CATSPERB: variants seen among roughly 807,000 people sequenced by gnomAD.
CATSPERB encodes the protein cation channel sperm-associated auxiliary subunit beta.
A neutral mutation model predicts 128.3 loss-of-function variants in CATSPERB; 93 were observed. The ratio of observed to expected loss-of-function variants is 0.72; its 90% CI spans 0.61 to 0.86. CATSPERB has a LOEUF of 0.86. Among genes scored for constraint, CATSPERB ranks in the 40% least tolerant of loss-of-function variants. The pLI is 0.00. For missense variants in CATSPERB, 1,153 were observed against 1,329.5 expected (o/e 0.87, Z 2.06); for synonymous variants, 381 against 448.8 (o/e 0.85, Z 1.91).
At chr14:91,585,459 T>C (rs1295574555) in intron 26 of CATSPERB, among the ~76,000 whole-genome samples, 3 of 152,234 alleles carry the variant, frequency 2.0e-5, no homozygotes, top group African/African-American at 7.2e-5. Flanking sequence ...ACTGATTTTT[T>C]TCCTGTTCCA....
chr14:91,638,769 A>G (rs1032088786), intron 16 of CATSPERB, among the ~76,000 whole-genome samples: 4 of 152,134 alleles, frequency 2.6e-5, no homozygotes, highest in Non-Finnish European at 4.4e-5. Context: ...TAGAGAATCA[A>G]TCCTACCTTG....
chr14:91,666,333 C>T (rs1239534790), intron 14 of CATSPERB, among the ~76,000 whole-genome samples: 2 of 152,148 alleles, frequency 1.3e-5, no homozygotes, highest in African/African-American at 2.4e-5. Context: ...CTGGATAGAG[C>T]GAGATAGCCA....
At chr14:91,709,009 GT>G (rs1895785688) in intron 5 of CATSPERB, 1 of 152,330 alleles carries the variant, frequency 6.6e-6, no homozygotes, top group African/African-American at 2.4e-5. Context: ...TGAAACGGGG[GT>G]TCACTCATGA....
intron 22 of CATSPERB, chr14:91,605,298 A>G: frequency 4.4e-6 from 4 of 905,224 alleles, no homozygotes; most frequent in South Asian, 1.4e-5. Context: ...AGGCTTTGTG[A>G]ACAAGCTGGA....
rs747442129 is a variant in CATSPERB at position 91,621,626 on chromosome 14, C to T, written c.2242G>A (p.Val748Ile). ...LGNSYVLKAK[V>I]IRNAKGFRML... Reference sequence around the variant, plus strand: ...AACTTACCTTTTGCATTCCGTATGACCTTAGCTTTTAAAACATAAGAGTTT... The same window carrying T: ...AACTTACCTTTTGCATTCCGTATGATCTTAGCTTTTAAAACATAAGAGTTT... Residue 748 changes from valine (V) to isoleucine (I), a missense_variant, in exon 19 of 27, where the codon GTC becomes ATC. By Grantham distance (29) the Val-to-Ile change is conservative. Coordinates refer to ENST00000256343, the MANE Select transcript of CATSPERB (RefSeq NM_024764.4). 5.0e-5 allele frequency: 80 copies of T among 1,603,292 alleles called. No individual in the cohort carries two copies. Among genetic ancestry groups the T allele is most frequent in the Non-Finnish European group, 6.2e-5 (73 of 1,173,980 alleles).
At chr14:91,591,261 G>T (rs1244470024) in intron 23 of CATSPERB, among the ~76,000 whole-genome samples, 1 of 151,682 alleles carries the variant, frequency 6.6e-6, no homozygotes, top group African/African-American at 2.4e-5. Context: ...CACCATATTG[G>T]TCAGACTGGT....
At chr14:91,617,261 C>A (rs1009052215) in intron 20 of CATSPERB, among the ~76,000 whole-genome samples, 1 of 152,094 alleles carries the variant, frequency 6.6e-6, no homozygotes, top group African/African-American at 2.4e-5. Context: ...GTGTTTTGGT[C>A]TGCAAAAGGG....
intron 22 of CATSPERB, among the ~76,000 whole-genome samples, chr14:91,599,100 C>A (rs1187380794): frequency 1.3e-5 from 2 of 152,058 alleles, no homozygotes; most frequent in Non-Finnish European, 2.9e-5. Flanking sequence ...TGCTCTCAGA[C>A]CTCAGCAAAT....
chr14:91,664,795 C>T (rs149403821), intron 14 of CATSPERB, among the ~76,000 whole-genome samples: 2 of 152,106 alleles, frequency 1.3e-5, no homozygotes, highest in Admixed American at 1.3e-4. Flanking sequence ...TTCAACTGTT[C>T]GTTCTGTTTC....
intron 16 of CATSPERB, among the ~76,000 whole-genome samples, chr14:91,638,165 C>T (rs1253565574): frequency 6.6e-6 from 1 of 152,236 alleles, no homozygotes; most frequent in East Asian, 1.9e-4. Context: ...TTTACTAACC[C>T]CAGTCAAAAA....
chr14:91,709,018 T>G (rs1002471729), intron 5 of CATSPERB: 2 of 152,368 alleles, frequency 1.3e-5, no homozygotes, highest in African/African-American at 2.4e-5. Flanking sequence ...GGTTCACTCA[T>G]GAAGAACACA....
intron 10 of CATSPERB, 69 bp downstream of exon 10, chr14:91,691,454 C>T: frequency 1.0e-6 from 1 of 971,290 alleles, no homozygotes; most frequent in Non-Finnish European, 1.5e-6. Context: ...TATTGTCTTG[C>T]ATCTCATCTC....
At chr14:91,725,415 A>G (rs1161363997) in intron 2 of CATSPERB, among the ~76,000 whole-genome samples, 1 of 152,214 alleles carries the variant, frequency 6.6e-6, no homozygotes, top group Non-Finnish European at 1.5e-5. Context: ...CCATGACACA[A>G]AATTTTTAGA....
intron 17 of CATSPERB, among the ~76,000 whole-genome samples, chr14:91,625,254 TAG>T (rs1894137754): frequency 6.6e-6 from 1 of 152,214 alleles, no homozygotes; most frequent in Non-Finnish European, 1.5e-5. Flanking sequence ...TGAGTGAAGA[TAG>T]GCATTCATCC....
chr14:91,616,733 C>CCTTTTTTTTTTTTTTTTTTTTTTTTT lies in CATSPERB; in HGVS notation c.2400+863_2400+864insAAAAAAAAAAAAAAAAAAAAAAAAAG, dbSNP rs1555360387. Among the ~76,000 whole-genome samples, 3 of 84,482 alleles carry CCTTTTTTTTTTTTTTTTTTTTTTTTT rather than the reference C, an allele frequency of 3.6e-5. 1 individual carries two copies. The highest frequency in any genetic ancestry group is 2.2e-5 in the Non-Finnish European group (1 of 44,654). 55.4% of individuals were successfully genotyped at this position (84,482 alleles called of 152,430 possible). On this transcript the variant is annotated intron_variant, in intron 20 of 26. Transcript: ENST00000256343. Reference sequence around the variant, plus strand: ...ATTTCTTATTATTTAAAGTATTCCCCTTTTTTTTTTTTTTTTTTTTTTTTT... The same window carrying CCTTTTTTTTTTTTTTTTTTTTTTTTT: ...ATTTCTTATTATTTAAAGTATTCCCCCTTTTTTTTTTTTTTTTTTTTTTTTTTTTTTTTTTTTTTTTTTTTTTTTTT...
At chr14:91,610,765 A>G in intron 20 of CATSPERB, 88 bp from the exon 21 acceptor site, 1 of 1,184,090 alleles carries the variant, frequency 8.4e-7, no homozygotes, top group Non-Finnish European at 1.2e-6. Flanking sequence ...TTGAAACCCC[A>G]ACCTCCAGTA....
chr14:91,704,898 C>CT (rs1895710765), intron 6 of CATSPERB, among the ~76,000 whole-genome samples, 197 bp from the exon 7 acceptor site: 1 of 152,204 alleles, frequency 6.6e-6, no homozygotes, highest in Admixed American at 6.5e-5. Flanking sequence ...TCTAATTCCC[C>CT]TTGGTGGGGG....
At chr14:91,589,090 C>G (rs1450121909) in intron 24 of CATSPERB, among the ~76,000 whole-genome samples, 1 of 152,208 alleles carries the variant, frequency 6.6e-6, no homozygotes, top group African/African-American at 2.4e-5. Flanking sequence ...ATTTCTGCAT[C>G]TTTTCAATTA....
At chr14:91,660,116 TCACACACACACA>T (rs56413235) in intron 14 of CATSPERB, 135 bp from the exon 15 acceptor site, 2 of 238,612 alleles carry the variant, frequency 8.4e-6, no homozygotes, top group East Asian at 2.3e-4. Flanking sequence ...TCTCTCTCTC[TCACACACACACA>T]CACACACACA....
Sources: allele counts gnomAD v4.1 joint callset (sites outside exome capture counted in the v4.1 genomes callset), GRCh38; gene constraint gnomAD v4.1.1; transcripts MANE v1.5; gene names NCBI Gene and HGNC (gene_info 2026-07-23, HGNC 2026-07-21).